The following SPEF2 variants were observed in gnomAD, a reference collection of about 807,000 sequenced individuals.
SPEF2 encodes sperm flagella and cilia-associated protein 2.
In SPEF2, 187 loss-of-function variants were observed where a neutral mutation model predicts 224.6. The ratio of observed to expected loss-of-function variants is 0.83; its 90% CI spans 0.74 to 0.94. SPEF2 has a LOEUF of 0.94. Ranked by LOEUF, SPEF2 falls within the 40% of genes least tolerant of loss-of-function variation. The pLI is 0.00. For missense variants in SPEF2, 2,170 were observed against 2,135.6 expected (o/e 1.02, Z -0.32); for synonymous variants, 715 against 707.3 (o/e 1.01, Z -0.17).
chr5:35,702,419 G>A, intron 16 of SPEF2: 1 of 422,350 alleles, frequency 2.4e-6, no homozygotes, highest in Non-Finnish European at 4.8e-6. Flanking sequence ...GAATGGAAGA[G>A]GAGGTGACTG....
At chr5:35,759,156 T>TA (rs1750875924) in intron 24 of SPEF2, among the ~76,000 whole-genome samples, 1 of 152,020 alleles carries the variant, frequency 6.6e-6, no homozygotes, top group African/African-American at 2.4e-5. Flanking sequence ...ATGTATAGTG[T>TA]TTTTTGTTAT....
intron 10 of SPEF2, chr5:35,670,521 A>T: frequency 1.2e-5 from 12 of 1,037,200 alleles, no homozygotes; most frequent in Non-Finnish European, 1.4e-5. Flanking sequence ...TTTATTTATT[A>T]GCATTTTTCT....
chr5:35,704,715 T>G (rs1349304407), intron 17 of SPEF2, 53 bp downstream of exon 17: 6 of 1,045,740 alleles, frequency 5.7e-6, no homozygotes, highest in Non-Finnish European at 8.9e-6. Flanking sequence ...TTAAATAGAT[T>G]GACAACAACT....
chr5:35,625,408 T>G (rs148400522), intron 1 of SPEF2, among the ~76,000 whole-genome samples: 1 of 152,192 alleles, frequency 6.6e-6, no homozygotes, highest in African/African-American at 2.4e-5. Context: ...ACACTGAAGA[T>G]GAAGGAAACG....
intron 30 of SPEF2, chr5:35,788,357 A>G (rs1755470022): frequency 1.4e-6 from 1 of 702,932 alleles, no homozygotes; most frequent in Non-Finnish European, 2.6e-6. Flanking sequence ...CCCAGTATTC[A>G]GAACTAAAAA....
rs572214468 is a variant in SPEF2 at position 35,751,807 on chromosome 5, T to C, written c.3331-1817T>C. On this transcript the variant is annotated intron_variant, in intron 23 of 36. Coordinates refer to ENST00000356031, the MANE Select transcript of SPEF2 (RefSeq NM_024867.4). ...AATTTCTGGCTCTACCACATTGAAA[T>C]TATAGGCAAGAAACTTAACCTGTCT... Among the ~76,000 whole-genome samples the C allele has an allele frequency of 3.3e-5, 5 of 152,254 alleles. No homozygotes were observed. In the East Asian group the frequency reaches 9.6e-4, roughly 29 times the overall value.
chr5:35,729,049 A>G (rs1745165309), intron 21 of SPEF2, among the ~76,000 whole-genome samples: 1 of 152,170 alleles, frequency 6.6e-6, no homozygotes, highest in Non-Finnish European at 1.5e-5. Flanking sequence ...AAATAAATCT[A>G]TAGAGGACAA....
intron 24 of SPEF2, 150 bp from the exon 25 acceptor site, chr5:35,759,418 T>C (rs756731855): frequency 1.3e-5 from 8 of 614,874 alleles, no homozygotes; most frequent in Admixed American, 6.0e-5. Flanking sequence ...ATCTTAGATA[T>C]AGACTTGTAA....
rs150123343 is a variant in SPEF2 at position 35,727,852 on chromosome 5, A to G, written c.3063+29A>G. On this transcript the variant is annotated intron_variant, in intron 21 of 36. Transcript: ENST00000356031. Reference sequence around the variant, plus strand: ...TGGCCATTTAGAATCAAGCTGGCAGAATTCATTCTTTCTCCTGCATATAGT... The same window carrying G: ...TGGCCATTTAGAATCAAGCTGGCAGGATTCATTCTTTCTCCTGCATATAGT... 1,413 of 1,600,942 alleles carry G rather than the reference A, an allele frequency of 8.8e-4. 15 individuals are homozygous for G. The African/African-American group carries it at 0.017, about 19-fold the overall frequency.
At chr5:35,691,686 G>T (rs1368786473) in intron 11 of SPEF2, among the ~76,000 whole-genome samples, 5 of 152,192 alleles carry the variant, frequency 3.3e-5, no homozygotes, top group Non-Finnish European at 7.3e-5. Context: ...GGTGATGGTT[G>T]CACACATTGT....
chr5:35,759,359 G>A (rs1357230870), intron 24 of SPEF2, among the ~76,000 whole-genome samples: 2 of 152,130 alleles, frequency 1.3e-5, no homozygotes, highest in African/African-American at 2.4e-5. Flanking sequence ...ATCATGTTCC[G>A]TAAATATAGA....
At chr5:35,717,883 G>A (rs1197981603) in intron 20 of SPEF2, among the ~76,000 whole-genome samples, 2 of 152,264 alleles carry the variant, frequency 1.3e-5, no homozygotes, top group South Asian at 4.2e-4. Context: ...GACGAAGACC[G>A]ATCTTAACGC....
chr5:35,704,545 A>C lies in SPEF2; in HGVS notation c.2399-9A>C, dbSNP rs778879033. ...AAAATTATCTAATTAAATAAATTTT[A>C]TACCATAGCTGAAGAATTGTCCTAT... On this transcript the variant is annotated splice_polypyrimidine_tract_variant and intron_variant, in intron 16 of 36. Transcript: ENST00000356031. 27 of 1,582,178 alleles carry C rather than the reference A, an allele frequency of 1.7e-5. No individual in the cohort carries two copies. The Middle Eastern group carries it at 5.0e-4, about 29-fold the overall frequency.
At chr5:35,633,413 T>A (rs1482235148) in intron 2 of SPEF2, among the ~76,000 whole-genome samples, 1 of 152,148 alleles carries the variant, frequency 6.6e-6, no homozygotes, top group African/African-American at 2.4e-5. Context: ...ATACTTTTTT[T>A]TCTTAAAGTC....
At chr5:35,706,200 T>A (rs1022670591) in intron 18 of SPEF2, among the ~76,000 whole-genome samples, 2 of 151,892 alleles carry the variant, frequency 1.3e-5, no homozygotes, top group African/African-American at 4.8e-5. Context: ...AAGGTAAAGG[T>A]TTTACTTTGT....
intron 8 of SPEF2, among the ~76,000 whole-genome samples, chr5:35,666,636 C>G (rs1750506948): frequency 6.6e-6 from 1 of 152,128 alleles, no homozygotes; most frequent in Non-Finnish European, 1.5e-5. Context: ...CATTGAAAGA[C>G]AGAGGGCAAT....
chr5:35,681,456 C>T (rs551474167), intron 10 of SPEF2, among the ~76,000 whole-genome samples: 35 of 152,042 alleles, frequency 2.3e-4, no homozygotes, highest in Non-Finnish European at 3.8e-4. Context: ...TTGAAGATAT[C>T]TAAAAAATAA....
At chr5:35,743,870 G>C (rs770323311) in intron 23 of SPEF2, among the ~76,000 whole-genome samples, 9 of 152,122 alleles carry the variant, frequency 5.9e-5, no homozygotes, top group Non-Finnish European at 1.3e-4. Flanking sequence ...TTCTGGCACT[G>C]TCTTTTTCAT....
At chr5:35,730,823 A>G (rs1046724830) in intron 21 of SPEF2, among the ~76,000 whole-genome samples, 3 of 152,198 alleles carry the variant, frequency 2.0e-5, no homozygotes, top group African/African-American at 7.2e-5. Context: ...ATTGGCCTCT[A>G]AACAGGAATA....
Sources: gnomAD v4.1 joint callset for allele counts (sites outside exome capture counted in the v4.1 genomes callset) on GRCh38, gnomAD v4.1.1 for gene constraint, MANE v1.5 for transcripts, NCBI Gene and HGNC (gene_info 2026-07-23, HGNC 2026-07-21) for gene names.